RABGAP1L: variants seen among roughly 807,000 people sequenced by gnomAD.
The protein encoded by RABGAP1L is RAB GTPase activating protein 1 like.
RABGAP1L carries 63 observed loss-of-function variants against 137.7 expected under a neutral mutation model. That is an observed-to-expected ratio of 0.46 (90% CI 0.37 to 0.56). The LOEUF (loss-of-function observed/expected upper bound fraction) is 0.56. RABGAP1L is among the 20% of genes least tolerant of loss of function. RABGAP1L has a pLI of 0.00. For missense variants in RABGAP1L, 1,095 were observed against 1,244.0 expected (o/e 0.88, Z 1.80); for synonymous variants, 431 against 433.7 (o/e 0.99, Z 0.08).
intron 13 of RABGAP1L, among the ~76,000 whole-genome samples, chr1:174,423,717 CCCTCCCTTTTTT>C (rs1262121030): frequency 2.6e-5 from 4 of 152,024 alleles, no homozygotes; most frequent in African/African-American, 9.7e-5. Context: ...TTCGCTTTCT[CCCTCCCTTTTTT>C]CCTCCCTTTC....
intron 13 of RABGAP1L, among the ~76,000 whole-genome samples, chr1:174,418,664 A>G (rs910694631): frequency 2.0e-5 from 3 of 152,198 alleles, no homozygotes; most frequent in East Asian, 3.8e-4. Flanking sequence ...GCAATTTTTA[A>G]TGAGTCCTTA....
intron 17 of RABGAP1L, among the ~76,000 whole-genome samples, chr1:174,750,074 T>C (rs1428194486): frequency 6.6e-6 from 1 of 152,120 alleles, no homozygotes; most frequent in Non-Finnish European, 1.5e-5. Context: ...TTTCACCATG[T>C]TAGCCAGGAT....
At chr1:174,973,380 A>ATTTTTTTTTTTTTTTTTTTTTTT (rs1558296607) in intron 21 of RABGAP1L, among the ~76,000 whole-genome samples, 1 of 130,618 alleles carries the variant, frequency 7.7e-6, no homozygotes. Context: ...TTTTTCTTTC[A>ATTTTTTTTTTTTTTTTTTTTTTT]TTTCTTTTTT....
chr1:174,492,886 A>C (rs1356635118), intron 13 of RABGAP1L, among the ~76,000 whole-genome samples: 1 of 151,836 alleles, frequency 6.6e-6, no homozygotes, highest in Non-Finnish European at 1.5e-5. Context: ...CCATATGTAT[A>C]AGCAGGTATA....
chr1:174,338,515 T>A (rs188928887), intron 11 of RABGAP1L, among the ~76,000 whole-genome samples: 1 of 151,996 alleles, frequency 6.6e-6, no homozygotes, highest in African/African-American at 2.4e-5. Context: ...TGTTTTTAAC[T>A]GGTGGAAAAT....
At chr1:174,398,089 T>G (rs1648095567) in intron 13 of RABGAP1L, among the ~76,000 whole-genome samples, 1 of 152,204 alleles carries the variant, frequency 6.6e-6, no homozygotes, top group African/African-American at 2.4e-5. Context: ...ACGGATATGT[T>G]ACCCTCCTGG....
intron 11 of RABGAP1L, among the ~76,000 whole-genome samples, chr1:174,339,612 A>ATTT (rs200221267): frequency 4.0e-5 from 6 of 148,496 alleles, no homozygotes; most frequent in Non-Finnish European, 7.5e-5. Context: ...ATTTTATCTA[A>ATTT]TTTTTTTTTT....
intron 19 of RABGAP1L, among the ~76,000 whole-genome samples, chr1:174,915,605 C>T (rs577672525): frequency 1.1e-4 from 17 of 152,278 alleles, no homozygotes; most frequent in South Asian, 2.1e-4. Flanking sequence ...TGCAGGCACA[C>T]GCCACCACGT....
chr1:174,203,514 GTAGTA>G (rs1315729816), intron 1 of RABGAP1L, among the ~76,000 whole-genome samples: 2 of 152,166 alleles, frequency 1.3e-5, no homozygotes, highest in Non-Finnish European at 2.9e-5. Flanking sequence ...CTGTAGCCCT[GTAGTA>G]TAGTTTGAAG....
chr1:174,169,897 A>G (rs895193577), intron 1 of RABGAP1L, among the ~76,000 whole-genome samples: 1 of 152,028 alleles, frequency 6.6e-6, no homozygotes. Context: ...TTGCCCAGGC[A>G]GGTCTCAGAC....
At chr1:174,340,894 G>A (rs749955762) in intron 11 of RABGAP1L, among the ~76,000 whole-genome samples, 4 of 152,252 alleles carry the variant, frequency 2.6e-5, no homozygotes, top group Non-Finnish European at 2.9e-5. Context: ...GTGTAAAAGC[G>A]TCTCTTTTCC....
At position 174,700,135 on chromosome 1, in the gene RABGAP1L, G is replaced by T. The variant is rs1557996857; in HGVS notation, c.2025+485G>T. On this transcript the variant is annotated intron_variant, in intron 16 of 25. Transcript: ENST00000681986. Reference sequence around the variant, plus strand: ...AAATATAATTCCTAATCTCAATGTTGTTGTTGTGCTTTACAATGCGTATTT... The same window carrying T: ...AAATATAATTCCTAATCTCAATGTTTTTGTTGTGCTTTACAATGCGTATTT... Among the ~76,000 whole-genome samples, 4 of 152,254 alleles carry T rather than the reference G, an allele frequency of 2.6e-5. No homozygotes were observed. The South Asian group carries it at 8.3e-4, about 32-fold the overall frequency.
chr1:174,988,479 G>A (rs1019484568), intron 24 of RABGAP1L, among the ~76,000 whole-genome samples, 162 bp from the exon 25 acceptor site: 1 of 152,054 alleles, frequency 6.6e-6, no homozygotes. Context: ...AGTTGGGTTC[G>A]GGCTAATGAT....
chr1:174,561,038 G>T (rs1453392822), intron 13 of RABGAP1L, among the ~76,000 whole-genome samples: 1 of 152,138 alleles, frequency 6.6e-6, no homozygotes, highest in African/African-American at 2.4e-5. Flanking sequence ...AAGGCCCTGA[G>T]GTCAAATCTG....
At chr1:174,216,587 GTT>G (rs374265714) in intron 1 of RABGAP1L, among the ~76,000 whole-genome samples, 87 of 137,294 alleles carry the variant, frequency 6.3e-4, no homozygotes, top group Middle Eastern at 3.7e-3. Context: ...TTGCTGTCAT[GTT>G]TTTTTTTTTT....
At chr1:174,499,965 G>A (rs1449806574) in intron 13 of RABGAP1L, among the ~76,000 whole-genome samples, 1 of 152,112 alleles carries the variant, frequency 6.6e-6, no homozygotes, top group Non-Finnish European at 1.5e-5. Context: ...AACTTTTAGA[G>A]CTGAAGGGAA....
At chr1:174,275,631 CTG>C (rs960077479) in intron 8 of RABGAP1L, among the ~76,000 whole-genome samples, 200 bp from the exon 9 acceptor site, 6 of 152,164 alleles carry the variant, frequency 3.9e-5, no homozygotes, top group African/African-American at 1.4e-4. Flanking sequence ...TAAATAGAAA[CTG>C]TGCTTGAAGA....
chr1:174,738,053 A>G (rs1254464902), intron 17 of RABGAP1L, among the ~76,000 whole-genome samples: 1 of 152,208 alleles, frequency 6.6e-6, no homozygotes, highest in African/African-American at 2.4e-5. Flanking sequence ...TGGAAGGGAC[A>G]GAAATCCCCA....
chr1:174,949,437 A>G (rs1667393535), intron 19 of RABGAP1L, among the ~76,000 whole-genome samples: 1 of 152,230 alleles, frequency 6.6e-6, no homozygotes. Flanking sequence ...TGAGGCGTAC[A>G]GTATAGAATC....
Sources: allele counts gnomAD v4.1 joint callset (sites outside exome capture counted in the v4.1 genomes callset), GRCh38; gene constraint gnomAD v4.1.1; transcripts MANE v1.5; gene names NCBI Gene and HGNC (gene_info 2026-07-23, HGNC 2026-07-21).